CSMD1: variants seen among roughly 807,000 people sequenced by gnomAD.
The protein encoded by CSMD1 is CUB and Sushi multiple domains 1, also known as CUB and sushi domain-containing protein 1.
In CSMD1, 213 loss-of-function variants were observed where a neutral mutation model predicts 417.5. That is an observed-to-expected ratio of 0.51 (90% confidence interval 0.46 to 0.57). CSMD1 has a LOEUF of 0.57. Ranked by LOEUF, CSMD1 falls within the 20% of genes least tolerant of loss-of-function variation. CSMD1 has a pLI of 0.00. For synonymous variants in CSMD1, 2,862 were observed against 1,736.8 expected, an observed-to-expected ratio of 1.65 and a Z score of -16.11; for missense variants, 6,923 against 4,529.7, an observed-to-expected ratio of 1.53 and a Z score of -15.17.
intron 42 of CSMD1, among the ~76,000 whole-genome samples, chr8:3,116,367 T>A (rs1005115943): frequency 1.6e-4 from 24 of 152,044 alleles, no homozygotes; most frequent in Admixed American, 6.5e-5. Context: ...ATCAGAGAGA[T>A]ATGTGGCATC....
At chr8:3,226,784 A>G (rs1470742016) in intron 27 of CSMD1, among the ~76,000 whole-genome samples, 2 of 152,112 alleles carry the variant, frequency 1.3e-5, no homozygotes, top group Admixed American at 6.5e-5. Flanking sequence ...AAGTGTTGTC[A>G]CACACAACAG....
chr8:3,157,006 A>T (rs949901940), intron 39 of CSMD1, among the ~76,000 whole-genome samples: 1 of 151,730 alleles, frequency 6.6e-6, no homozygotes, highest in African/African-American at 2.4e-5. Flanking sequence ...AAAAAAAAAA[A>T]AAGCAGGATA....
intron 42 of CSMD1, among the ~76,000 whole-genome samples, chr8:3,115,810 C>G (rs564971503): frequency 1.9e-4 from 29 of 152,152 alleles, no homozygotes; most frequent in Non-Finnish European, 3.8e-4. Context: ...TCTAAACTGG[C>G]CAATTTTTAA....
chr8:4,441,650 A>G (rs1350269648), intron 2 of CSMD1, among the ~76,000 whole-genome samples: 1 of 152,198 alleles, frequency 6.6e-6, no homozygotes, highest in Non-Finnish European at 1.5e-5. Flanking sequence ...ATTTCACAGA[A>G]AAGTCACATT....
chr8:3,607,477 G>C (rs1216181370), intron 8 of CSMD1, among the ~76,000 whole-genome samples: 2 of 152,292 alleles, frequency 1.3e-5, no homozygotes, highest in East Asian at 1.9e-4. Context: ...TCATTATCAA[G>C]TATGTGCTAG....
At chr8:3,903,913 A>G (rs925941087) in intron 5 of CSMD1, among the ~76,000 whole-genome samples, 5 of 152,084 alleles carry the variant, frequency 3.3e-5, no homozygotes, top group African/African-American at 1.2e-4. Context: ...GTGGCACACT[A>G]CCATGTACCT....
intron 1 of CSMD1, among the ~76,000 whole-genome samples, chr8:4,937,032 A>G (rs564805038): frequency 6.6e-6 from 1 of 152,250 alleles, no homozygotes; most frequent in South Asian, 2.1e-4. Flanking sequence ...CCAAAATAAC[A>G]GGACTCTGTC....
At chr8:3,324,145 A>G (rs1024081652) in intron 23 of CSMD1, among the ~76,000 whole-genome samples, 64 of 145,498 alleles carry the variant, frequency 4.4e-4, no homozygotes, top group African/African-American at 1.5e-3. Context: ...ACACACATCT[A>G]ACACCCAGAG....
At chr8:3,612,752 A>G (rs1801954283) in intron 8 of CSMD1, among the ~76,000 whole-genome samples, 1 of 152,112 alleles carries the variant, frequency 6.6e-6, no homozygotes, top group African/African-American at 2.4e-5. Flanking sequence ...ACAGCATATC[A>G]AAATTGAAGA....
intron 7 of CSMD1, among the ~76,000 whole-genome samples, chr8:3,700,891 G>T (rs1046624424): frequency 6.6e-6 from 1 of 152,106 alleles, no homozygotes; most frequent in Non-Finnish European, 1.5e-5. Context: ...GAAGGATGTG[G>T]TTCTACTGAT....
At chr8:3,620,958 A>C (rs1796197568) in intron 7 of CSMD1, among the ~76,000 whole-genome samples, 1 of 152,166 alleles carries the variant, frequency 6.6e-6, no homozygotes, top group African/African-American at 2.4e-5. Flanking sequence ...AGAGACTTTA[A>C]AGAGGTAATT....
At chr8:3,199,631 G>C in intron 33 of CSMD1, 83 bp downstream of exon 33, 1 of 712,798 alleles carries the variant, frequency 1.4e-6, no homozygotes, top group South Asian at 3.4e-5. Context: ...GAGATGTTTT[G>C]AGTGCTTTGT....
rs373246092 is a variant in CSMD1 at position 4,305,303 on chromosome 8, G to T, written c.415+114650C>A. 5.1e-4 allele frequency among the ~76,000 whole-genome samples: 78 copies of T among 152,260 alleles called. 1 individual carries two copies. The highest frequency in any genetic ancestry group is 3.4e-3 in the Middle Eastern group (1 of 294). Reference sequence around the variant, plus strand: ...GAGCTGCATCAGCCTCCCGCTAGGAGAGAGTCAGGCCGCCACAAAGCCAGG... The same window carrying T: ...GAGCTGCATCAGCCTCCCGCTAGGATAGAGTCAGGCCGCCACAAAGCCAGG... On this transcript the variant is annotated intron_variant, in intron 3 of 69. Transcript: ENST00000635120.
chr8:4,953,786 A>C lies in CSMD1; in HGVS notation c.85+40546T>G, dbSNP rs140547811. On this transcript the variant is annotated intron_variant, in intron 1 of 69. Coordinates refer to ENST00000635120, the MANE Select transcript of CSMD1 (RefSeq NM_033225.6). The stretch of plus-strand genomic sequence containing the variant: ...AAGGCTAATTCTCTCTGTCTTTGGT[A>C]ATTTTCCCAAAATGTGGTTTGTGAA... Among the ~76,000 whole-genome samples the C allele has an allele frequency of 3.2e-3, 493 of 152,292 alleles. 5 individuals carry two copies. The highest frequency in any genetic ancestry group is 0.011 in the African/African-American group (469 of 41,562).
intron 57 of CSMD1, among the ~76,000 whole-genome samples, chr8:2,971,718 C>A (rs1804472938): frequency 6.6e-6 from 1 of 152,130 alleles, no homozygotes; most frequent in Non-Finnish European, 1.5e-5. Context: ...TGAGAGGGAA[C>A]TGAAAACATT....
At chr8:3,300,980 A>ATTTTTTTTTTTTTTTTTTTTTTTG (rs1465051616) in intron 25 of CSMD1, among the ~76,000 whole-genome samples, 1 of 145,012 alleles carries the variant, frequency 6.9e-6, no homozygotes, top group Non-Finnish European at 1.5e-5. Flanking sequence ...AAAAAAAAAA[A>ATTTTTTTTTTTTTTTTTTTTTTTG]AGAGAAAGAA....
chr8:4,760,258 A>G (rs1396490951), intron 1 of CSMD1, among the ~76,000 whole-genome samples: 1 of 152,206 alleles, frequency 6.6e-6, no homozygotes, highest in Non-Finnish European at 1.5e-5. Context: ...ATTTGCTTAA[A>G]AAGGAATGCA....
At chr8:3,822,890 A>G (rs777835546) in intron 5 of CSMD1, among the ~76,000 whole-genome samples, 1 of 152,202 alleles carries the variant, frequency 6.6e-6, no homozygotes, top group Non-Finnish European at 1.5e-5. Context: ...AATGAGAACC[A>G]GAGTAACTCA....
At chr8:4,408,428 G>C (rs1796462504) in intron 3 of CSMD1, among the ~76,000 whole-genome samples, 1 of 152,178 alleles carries the variant, frequency 6.6e-6, no homozygotes, top group African/African-American at 2.4e-5. Context: ...AGGTTTTAAA[G>C]AAAAGAATTG....
Sources: allele counts gnomAD v4.1 joint callset (sites outside exome capture counted in the v4.1 genomes callset), GRCh38; gene constraint gnomAD v4.1.1; transcripts MANE v1.5; gene names NCBI Gene and HGNC (gene_info 2026-07-23, HGNC 2026-07-21).